RAPGEF4: variants seen among roughly 807,000 people sequenced by gnomAD.
The protein encoded by RAPGEF4 is Rap guanine nucleotide exchange factor 4.
A neutral mutation model predicts 147.9 loss-of-function variants in RAPGEF4; 66 were observed. The ratio of observed to expected loss-of-function variants is 0.45; its 90% confidence interval spans 0.37 to 0.55. The LOEUF (loss-of-function observed/expected upper bound fraction) is 0.55, where lower values mean the gene tolerates loss of function less well. RAPGEF4 is among the 20% of genes least tolerant of loss of function. The pLI is 0.00. For synonymous variants in RAPGEF4, 419 were observed against 442.7 expected (o/e 0.95, Z 0.67); for missense variants, 1,071 against 1,257.3 (o/e 0.85, Z 2.24).
At chr2:172,990,979 G>A (rs1692775776) in intron 15 of RAPGEF4, 54 bp downstream of exon 15, 1 of 1,315,992 alleles carries the variant, frequency 7.6e-7, no homozygotes, top group Admixed American at 1.8e-5. Flanking sequence ...CTTTTCACAT[G>A]GTATCATCAT....
intron 3 of RAPGEF4, among the ~76,000 whole-genome samples, chr2:172,813,180 T>G (rs1213123987): frequency 6.6e-6 from 1 of 152,230 alleles, no homozygotes; most frequent in Non-Finnish European, 1.5e-5. Flanking sequence ...AACTTGATCT[T>G]AATAACATTT....
chr2:172,738,830 A>C (rs1444473562), intron 1 of RAPGEF4, among the ~76,000 whole-genome samples: 1 of 152,134 alleles, frequency 6.6e-6, no homozygotes, highest in Non-Finnish European at 1.5e-5. Context: ...AAAAAGAGAA[A>C]CCCTGGGACT....
Position 173,026,932 on chromosome 2 carries a change from T to C in RAPGEF4, c.2380-149T>C, listed in dbSNP as rs534889341. 2.7e-5 allele frequency: 23 copies of C among 837,010 alleles called. No individual in the cohort carries two copies. In the East Asian group the frequency reaches 6.1e-4, roughly 22 times the overall value. 51.8% of individuals were successfully genotyped at this position (837,010 alleles called of 1,614,324 possible). ...AAGCCAGTAAAACCTAGTTTATATT[T>C]ATATATTTAACAAACCTCATGGAAG... On this transcript the variant is annotated intron_variant, in intron 24 of 30. Coordinates refer to ENST00000397081, the MANE Select transcript of RAPGEF4 (RefSeq NM_007023.4).
intron 4 of RAPGEF4, among the ~76,000 whole-genome samples, chr2:172,856,428 T>C (rs1186477867): frequency 6.6e-6 from 1 of 152,222 alleles, no homozygotes; most frequent in Non-Finnish European, 1.5e-5. Flanking sequence ...TGGTCTCTTT[T>C]GGTTGGTTTC....
At chr2:172,873,445 A>G (rs1695484817) in intron 4 of RAPGEF4, among the ~76,000 whole-genome samples, 1 of 152,210 alleles carries the variant, frequency 6.6e-6, no homozygotes, top group Admixed American at 6.5e-5. Flanking sequence ...TGTATATCTT[A>G]CAAAGGATAC....
At position 173,017,476 on chromosome 2, in the gene RAPGEF4, G is replaced by A. The variant is rs1433837321; in HGVS notation, c.1980G>A (p.Lys660=). Residue 660 remains lysine (K), a synonymous_variant, in exon 21 of 31, where the codon AAG becomes AAA. Transcript: ENST00000397081. The stretch of plus-strand genomic sequence containing the variant: ...ATACGGGCGATGAGAGAGCCCAGAA[G>A]CGCCAGCCTATCCGCGGCTCTGATG... ...QFNTGDERAQ[K]RQPIRGSDEV... The A allele has an allele frequency of 1.2e-6, 2 of 1,614,158 alleles. No individual in the cohort carries two copies. Among genetic ancestry groups the A allele is most frequent in the Admixed American group, 1.7e-5 (1 of 60,012 alleles).
At chr2:172,820,255 A>G (rs1688941923) in intron 4 of RAPGEF4, among the ~76,000 whole-genome samples, 1 of 152,202 alleles carries the variant, frequency 6.6e-6, no homozygotes, top group South Asian at 2.1e-4. Flanking sequence ...AGGCCCTTGA[A>G]CTAGTGGTTA....
intron 1 of RAPGEF4, among the ~76,000 whole-genome samples, chr2:172,780,685 ATCTCATTTTT>A (rs1428887219): frequency 2.0e-5 from 3 of 152,120 alleles, no homozygotes; most frequent in African/African-American, 7.2e-5. Flanking sequence ...TGATAGCGCT[ATCTCATTTTT>A]TCTTTGCATA....
chr2:172,942,130 T>G (rs1027025660), intron 6 of RAPGEF4, among the ~76,000 whole-genome samples: 1 of 151,386 alleles, frequency 6.6e-6, no homozygotes, highest in Non-Finnish European at 1.5e-5. Context: ...CCTTTTTTGA[T>G]GAGACATTTG....
chr2:172,938,405 T>C (rs1686819267), intron 6 of RAPGEF4, among the ~76,000 whole-genome samples: 1 of 152,168 alleles, frequency 6.6e-6, no homozygotes, highest in Admixed American at 6.6e-5. Context: ...CTGCCACCTA[T>C]TTATTTAACT....
intron 4 of RAPGEF4, among the ~76,000 whole-genome samples, chr2:172,875,326 C>G (rs950799456): frequency 3.3e-5 from 5 of 152,132 alleles, no homozygotes; most frequent in Non-Finnish European, 5.9e-5. Flanking sequence ...CTTGCCCATG[C>G]CTATGTCCTG....
chr2:172,867,075 G>A (rs767070359), intron 4 of RAPGEF4, among the ~76,000 whole-genome samples: 4 of 151,370 alleles, frequency 2.6e-5, no homozygotes, highest in Non-Finnish European at 5.9e-5. Context: ...GGGTTTAAGC[G>A]ATTCTTGTGT....
intron 5 of RAPGEF4, among the ~76,000 whole-genome samples, chr2:172,919,840 G>A (rs1684532638): frequency 1.3e-5 from 2 of 151,964 alleles, no homozygotes; most frequent in South Asian, 2.1e-4. Context: ...TCTTGTGCTG[G>A]GCTCCAAACC....
intron 4 of RAPGEF4, among the ~76,000 whole-genome samples, chr2:172,835,135 A>G (rs1690783463): frequency 6.6e-6 from 1 of 152,176 alleles, no homozygotes; most frequent in Non-Finnish European, 1.5e-5. Context: ...AAGGTTGGGA[A>G]ATGATATGCG....
intron 6 of RAPGEF4, among the ~76,000 whole-genome samples, chr2:172,938,776 A>G (rs1053454645): frequency 6.6e-6 from 1 of 152,224 alleles, no homozygotes; most frequent in African/African-American, 2.4e-5. Flanking sequence ...GCACCATTAC[A>G]GTACAGTATC....
chr2:172,896,002 A>G (rs1698434204), intron 4 of RAPGEF4, among the ~76,000 whole-genome samples: 1 of 152,228 alleles, frequency 6.6e-6, no homozygotes, highest in African/African-American at 2.4e-5. Context: ...TTTTCTGTGA[A>G]ATAAACGAGC....
intron 3 of RAPGEF4, among the ~76,000 whole-genome samples, chr2:172,805,770 G>A (rs948068761): frequency 6.6e-6 from 1 of 152,140 alleles, no homozygotes; most frequent in Non-Finnish European, 1.5e-5. Context: ...CCCCACTGCT[G>A]TACTTGTCTG....
chr2:173,043,512 C>G (rs541936733), intron 29 of RAPGEF4, among the ~76,000 whole-genome samples: 10 of 152,268 alleles, frequency 6.6e-5, no homozygotes, highest in African/African-American at 2.2e-4. Flanking sequence ...GAGGGCCTGC[C>G]GGTCAGAACT....
At chr2:172,903,238 G>A (rs554105529) in intron 4 of RAPGEF4, among the ~76,000 whole-genome samples, 9 of 152,074 alleles carry the variant, frequency 5.9e-5, no homozygotes, top group South Asian at 4.2e-4. Context: ...GCATCGTGGC[G>A]GGCACCTGTA....
Sources: gnomAD v4.1 joint callset for allele counts (sites outside exome capture counted in the v4.1 genomes callset) on GRCh38, gnomAD v4.1.1 for gene constraint, MANE v1.5 for transcripts, NCBI Gene and HGNC (gene_info 2026-07-23, HGNC 2026-07-21) for gene names.